The following TFDP1 variants were observed in gnomAD, a reference collection of about 807,000 sequenced individuals.
TFDP1 encodes the protein DRTF1-polypeptide 1.
TFDP1 carries 6 observed loss-of-function variants against 48.0 expected under a neutral mutation model. The ratio of observed to expected loss-of-function variants is 0.13; its 90% confidence interval spans 0.07 to 0.25. The LOEUF (loss-of-function observed/expected upper bound fraction) is 0.25, where lower values mean the gene tolerates loss of function less well. TFDP1 is among the 10% of genes least tolerant of loss of function. The pLI, the probability that TFDP1 is intolerant of heterozygous loss-of-function variation, is 1.00. For synonymous variants in TFDP1, 201 were observed against 211.6 expected (o/e 0.95, Z 0.44); for missense variants, 335 against 543.0 (o/e 0.62, Z 3.81).
intron 2 of TFDP1, among the ~76,000 whole-genome samples, chr13:113,608,402 A>G (rs991282954): frequency 1.3e-5 from 2 of 152,184 alleles, no homozygotes; most frequent in Admixed American, 1.3e-4. Context: ...GACACCATAC[A>G]GGGGAACTGG....
intron 2 of TFDP1, among the ~76,000 whole-genome samples, chr13:113,608,156 G>A (rs532643617): frequency 1.3e-5 from 2 of 152,284 alleles, no homozygotes; most frequent in South Asian, 4.1e-4. Flanking sequence ...CACATGCCCT[G>A]CAGGCATGGG....
Position 113,633,785 on chromosome 13 carries a change from C to T in TFDP1, c.475-105C>T. The T allele has an allele frequency of 7.1e-7, 1 of 1,404,198 alleles. No homozygotes were observed. The highest frequency in any genetic ancestry group is 1.4e-5 in the South Asian group (1 of 72,994). The allele number at this position is 1,404,198 out of a possible 1,614,324, so 87.0% of individuals were successfully genotyped here. On this transcript the variant is annotated intron_variant, in intron 6 of 11. Transcript: ENST00000375370. This position sits in a 1 kb window ranked among gnomAD's most constrained non-coding sequence, Gnocchi z 4.5. ...CCCTGAGGGCATGTTGGGGTGGCGGCTCCGTGAGCGGGGTGCCCCTTTGAG... is the reference window on the plus strand; with the variant it reads ...CCCTGAGGGCATGTTGGGGTGGCGGTTCCGTGAGCGGGGTGCCCCTTTGAG...
chr13:113,640,126 G>C lies in TFDP1; in HGVS notation c.1092G>C (p.Leu364=). 1.2e-6 allele frequency: 2 copies of C among 1,604,136 alleles called. No individual in the cohort carries two copies. Among genetic ancestry groups the C allele is most frequent in the Non-Finnish European group, 1.7e-6 (2 of 1,176,490 alleles). ...TCCGCCTCCTGCCTTGCAGTGACCT[G>C]ACCAACGGTGCAGATGGGATGCTGG... is the stretch of plus-strand genomic sequence containing the variant. ...SNGTRFSASD[L]TNGADGMLAT... The change falls in exon 12 of 12, where the codon CTG becomes CTC. Residue 364 remains leucine, a synonymous_variant. Coordinates refer to ENST00000375370, the MANE Select transcript of TFDP1 (RefSeq NM_007111.5).
intron 3 of TFDP1, among the ~76,000 whole-genome samples, chr13:113,612,672 G>A (rs2048734768): frequency 6.6e-6 from 1 of 152,178 alleles, no homozygotes; most frequent in African/African-American, 2.4e-5. Context: ...CTCTTGTTAG[G>A]TTACATGCAG....
chr13:113,629,193 C>A (rs1301163245), intron 4 of TFDP1, among the ~76,000 whole-genome samples: 1 of 152,218 alleles, frequency 6.6e-6, no homozygotes, highest in African/African-American at 2.4e-5. Flanking sequence ...GGCACCCTTG[C>A]CCAGCACTGC....
At chr13:113,601,296 G>T (rs1185769789) in intron 2 of TFDP1, among the ~76,000 whole-genome samples, 1 of 108,386 alleles carries the variant, frequency 9.2e-6, no homozygotes, top group African/African-American at 4.8e-5. Flanking sequence ...GGCCTGTGGT[G>T]CCCTGAGTTG....
At chr13:113,597,059 T>C (rs2048305043) in intron 2 of TFDP1, among the ~76,000 whole-genome samples, 1 of 152,166 alleles carries the variant, frequency 6.6e-6, no homozygotes. Flanking sequence ...CTGGGCCCTC[T>C]GGATACCCCC....
At chr13:113,632,726 C>T (rs1479275583) in intron 5 of TFDP1, among the ~76,000 whole-genome samples, 2 of 152,152 alleles carry the variant, frequency 1.3e-5, no homozygotes, top group Non-Finnish European at 2.9e-5. Flanking sequence ...TGCAGTGAGC[C>T]GAGATGGCGC....
intron 4 of TFDP1, 55 bp from the exon 5 acceptor site, chr13:113,631,568 C>T: frequency 6.4e-7 from 1 of 1,570,106 alleles, no homozygotes; most frequent in South Asian, 1.2e-5. Context: ...GTGGGCATGG[C>T]ACCCTCGCCG....
chr13:113,600,974 G>T (rs566207327), intron 2 of TFDP1, among the ~76,000 whole-genome samples: 1 of 152,182 alleles, frequency 6.6e-6, no homozygotes, highest in Non-Finnish European at 1.5e-5. Context: ...CCAGGACCAC[G>T]AGAGAGAACC....
chr13:113,612,417 G>C (rs2048730482), intron 3 of TFDP1, among the ~76,000 whole-genome samples: 1 of 152,218 alleles, frequency 6.6e-6, no homozygotes, highest in Non-Finnish European at 1.5e-5. Context: ...TCTAGGAATA[G>C]GGACCAAATC....
intron 2 of TFDP1, among the ~76,000 whole-genome samples, chr13:113,599,488 C>CA (rs376919374): frequency 2.0e-5 from 3 of 152,256 alleles, no homozygotes; most frequent in African/African-American, 7.2e-5. Context: ...GATGCGCCCT[C>CA]ACGTACTCCA....
At chr13:113,604,874 C>T (rs1244106445) in intron 2 of TFDP1, among the ~76,000 whole-genome samples, 1 of 152,216 alleles carries the variant, frequency 6.6e-6, no homozygotes, top group Non-Finnish European at 1.5e-5. Context: ...TGCACGTTTA[C>T]TGCTGTGTGC....
intron 2 of TFDP1, among the ~76,000 whole-genome samples, chr13:113,586,640 C>T (rs750521218): frequency 5.3e-5 from 8 of 152,216 alleles, no homozygotes; most frequent in Non-Finnish European, 1.2e-4. Flanking sequence ...GCACATGCTG[C>T]CTCTGCCTGA....
intron 1 of TFDP1, chr13:113,585,311 C>G (rs1230598116): frequency 6.6e-6 from 1 of 151,406 alleles, no homozygotes; most frequent in Non-Finnish European, 1.5e-5. Context: ...AGGCGCGCGG[C>G]GCGGACCCCG....
At chr13:113,596,189 G>T (rs184847251) in intron 2 of TFDP1, among the ~76,000 whole-genome samples, 2 of 152,112 alleles carry the variant, frequency 1.3e-5, no homozygotes, top group East Asian at 1.9e-4. Flanking sequence ...AAAATATTTC[G>T]TGTCACCACT....
At position 113,640,403 on chromosome 13, in the gene TFDP1, T is replaced by G; in HGVS notation, c.*136T>G. Reference sequence around the variant, plus strand: ...AAGCTATTGAATTTAGATATGCACCTCTGATAAGCAAGGATTGTTTCCCGT... The same window carrying G: ...AAGCTATTGAATTTAGATATGCACCGCTGATAAGCAAGGATTGTTTCCCGT... On this transcript the variant is annotated 3_prime_UTR_variant, in exon 12 of 12. Coordinates refer to ENST00000375370, the MANE Select transcript of TFDP1 (RefSeq NM_007111.5). 1 of 1,398,620 alleles carries G rather than the reference T, an allele frequency of 7.1e-7. No homozygotes were observed. Among genetic ancestry groups the G allele is most frequent in the South Asian group, 1.4e-5 (1 of 73,948 alleles). The allele number at this position is 1,398,620 out of a possible 1,614,324, so 86.6% of individuals were successfully genotyped here.
At chr13:113,614,199 TGTG>T (rs975892551) in intron 3 of TFDP1, among the ~76,000 whole-genome samples, 1 of 151,664 alleles carries the variant, frequency 6.6e-6, no homozygotes, top group African/African-American at 2.4e-5. Flanking sequence ...ATGTGTGTGT[TGTG>T]TGCGAGTTGA....
chr13:113,593,681 G>C (rs2048207518), intron 2 of TFDP1, among the ~76,000 whole-genome samples: 1 of 131,724 alleles, frequency 7.6e-6, no homozygotes. Flanking sequence ...CGGGTCCTCA[G>C]CTGTGCCCAG....
Sources: gnomAD v4.1 joint callset for allele counts (sites outside exome capture counted in the v4.1 genomes callset) on GRCh38, gnomAD v4.1.1 for gene constraint, Gnocchi (gnomAD v3.1) non-coding constraint, MANE v1.5 for transcripts, NCBI Gene and HGNC (gene_info 2026-07-23, HGNC 2026-07-21) for gene names.